PKHD1: variants seen among roughly 807,000 people sequenced by gnomAD.
PKHD1 encodes PKHD1 ciliary IPT domain containing fibrocystin/polyductin.
Under a neutral mutation model 412.0 loss-of-function variants are expected in PKHD1, and 291 were observed. The ratio of observed to expected loss-of-function variants is 0.71; its 90% CI spans 0.64 to 0.78. The LOEUF (loss-of-function observed/expected upper bound fraction) is 0.78, where lower values mean the gene tolerates loss of function less well. Among genes scored for constraint, PKHD1 ranks in the 30% least tolerant of loss-of-function variants. PKHD1 has a pLI of 0.00. For missense variants in PKHD1, 4,825 were observed against 4,950.7 expected (o/e 0.97, Z 0.76); for synonymous variants, 1,777 against 1,821.5 (o/e 0.98, Z 0.62).
intron 8 of PKHD1, among the ~76,000 whole-genome samples, chr6:52,071,323 T>A (rs994839763): frequency 1.3e-5 from 2 of 151,632 alleles, no homozygotes; most frequent in African/African-American, 4.8e-5. Context: ...AAGCATTTGG[T>A]CCTTTCTTTT....
intron 66 of PKHD1, among the ~76,000 whole-genome samples, chr6:51,624,082 G>A (rs1401187287): frequency 6.6e-6 from 1 of 151,842 alleles, no homozygotes; most frequent in Non-Finnish European, 1.5e-5. Context: ...AGAGACTAGG[G>A]TTTTATTATG....
chr6:51,727,082 C>G (rs926023241), intron 60 of PKHD1, among the ~76,000 whole-genome samples: 1 of 152,166 alleles, frequency 6.6e-6, no homozygotes, highest in Non-Finnish European at 1.5e-5. Context: ...TCAGGGAATG[C>G]AGGCAGCCCT....
Position 51,817,619 on chromosome 6 carries a change from G to A in PKHD1, c.8302+13242C>T, listed in dbSNP as rs140456621. Among the ~76,000 whole-genome samples, 218 of 152,260 alleles carry A rather than the reference G, an allele frequency of 1.4e-3. 2 individuals are homozygous for A. The South Asian group carries it at 0.024, about 17-fold the overall frequency. On this transcript the variant is annotated intron_variant, in intron 52 of 66. Coordinates refer to ENST00000371117, the MANE Select transcript of PKHD1 (RefSeq NM_138694.4). Reference sequence around the variant, plus strand: ...CCTGCTGATCCAACACACGTTCACCGATTATGAATGAATGAGAGCGGCTGG... The same window carrying A: ...CCTGCTGATCCAACACACGTTCACCAATTATGAATGAATGAGAGCGGCTGG...
At chr6:51,993,528 G>C (rs1797300599) in intron 35 of PKHD1, among the ~76,000 whole-genome samples, 1 of 152,184 alleles carries the variant, frequency 6.6e-6, no homozygotes, top group Non-Finnish European at 1.5e-5. Flanking sequence ...CAAAAAAGAG[G>C]AGAAAAAATA....
chr6:51,718,852 G>A (rs1402327633), intron 60 of PKHD1, among the ~76,000 whole-genome samples: 1 of 152,142 alleles, frequency 6.6e-6, no homozygotes, highest in African/African-American at 2.4e-5. Context: ...GGAAATACCA[G>A]AGCAATCATC....
chr6:51,857,739 G>A (rs945424236), intron 48 of PKHD1, among the ~76,000 whole-genome samples: 4 of 152,036 alleles, frequency 2.6e-5, no homozygotes, highest in Admixed American at 2.0e-4. Context: ...CAGGATATTC[G>A]GTCATTTAAA....
chr6:51,798,881 A>G (rs1177213404), intron 52 of PKHD1, among the ~76,000 whole-genome samples: 1 of 152,168 alleles, frequency 6.6e-6, no homozygotes, highest in African/African-American at 2.4e-5. Context: ...TCCACAGAGT[A>G]CTCACACATA....
At chr6:51,941,650 G>C (rs1313390454) in intron 36 of PKHD1, among the ~76,000 whole-genome samples, 1 of 151,448 alleles carries the variant, frequency 6.6e-6, no homozygotes, top group Non-Finnish European at 1.5e-5. Context: ...TTCAGGATCT[G>C]TGCCTTATCA....
intron 60 of PKHD1, among the ~76,000 whole-genome samples, chr6:51,727,033 T>C (rs968194662): frequency 3.3e-5 from 5 of 152,126 alleles, no homozygotes; most frequent in Non-Finnish European, 7.4e-5. Flanking sequence ...AGGCACACAA[T>C]TAGCTATTGC....
At chr6:51,874,177 T>A (rs1181797014) in intron 46 of PKHD1, among the ~76,000 whole-genome samples, 1 of 152,204 alleles carries the variant, frequency 6.6e-6, no homozygotes, top group Non-Finnish European at 1.5e-5. Flanking sequence ...CGGTATTTTT[T>A]AAAGTAGCAT....
At chr6:51,691,134 T>C (rs1435280814) in intron 60 of PKHD1, among the ~76,000 whole-genome samples, 1 of 151,588 alleles carries the variant, frequency 6.6e-6, no homozygotes, top group Non-Finnish European at 1.5e-5. Flanking sequence ...AGAATGGCTA[T>C]TACTAAAAAG....
intron 36 of PKHD1, among the ~76,000 whole-genome samples, chr6:51,959,002 G>A: frequency 6.6e-6 from 1 of 152,082 alleles, no homozygotes; most frequent in East Asian, 1.9e-4. Flanking sequence ...ATCCTGATTC[G>A]GTCTAAAAGA....
intron 7 of PKHD1, 126 bp from the exon 8 acceptor site, chr6:52,072,315 T>C (rs1489113149): frequency 1.4e-6 from 1 of 718,326 alleles, no homozygotes; most frequent in Admixed American, 2.0e-5. Context: ...TTCTGCACTA[T>C]TGCAGGTGGC....
At chr6:52,012,581 A>C (rs1396299697) in intron 34 of PKHD1, among the ~76,000 whole-genome samples, 4 of 152,272 alleles carry the variant, frequency 2.6e-5, no homozygotes, top group Admixed American at 2.6e-4. Context: ...CTTTTAAATT[A>C]AAATGCAATG....
In PKHD1 at chr6:51,733,837, G is replaced by A. The variant is rs1344268249; in HGVS notation, c.10156+10548C>T. 2.6e-5 allele frequency among the ~76,000 whole-genome samples: 4 copies of A among 152,178 alleles called. 1 individual carries two copies. Among genetic ancestry groups the A allele is most frequent in the African/African-American group, 4.8e-5 (2 of 41,448 alleles). ...CACTGGGTAGAAGTCATAGAAGGAA[G>A]AGCCTAACAATAACAAGTTATTCAA... On this transcript the variant is annotated intron_variant, in intron 60 of 66. Coordinates refer to ENST00000371117, the MANE Select transcript of PKHD1 (RefSeq NM_138694.4).
chr6:51,672,591 C>T (rs1313034891), intron 60 of PKHD1, among the ~76,000 whole-genome samples: 2 of 152,096 alleles, frequency 1.3e-5, no homozygotes, highest in African/African-American at 4.8e-5. Flanking sequence ...TTTGGCTATA[C>T]CCAGTAAGAT....
In PKHD1 at chr6:51,847,819, C is replaced by T; in HGVS notation, c.8063G>A (p.Cys2688Tyr). The T allele has an allele frequency of 1.2e-6, 2 of 1,613,972 alleles. No individual in the cohort carries two copies. The highest frequency in any genetic ancestry group is 1.3e-5 in the African/African-American group (1 of 75,042). Reference protein sequence around the residue: ...FLPSPGQNQGCDWFFNSQLRQ... With the variant: ...FLPSPGQNQGYDWFFNSQLRQ... Reference sequence around the variant, plus strand: ...CAGCTGGCTATTGAAGAACCAGTCACAGCCTTGGTTCTGACCTGGTGATGG... The same window carrying T: ...CAGCTGGCTATTGAAGAACCAGTCATAGCCTTGGTTCTGACCTGGTGATGG... The change falls in exon 50 of 67, where the codon TGT (cysteine) becomes TAT (tyrosine). Residue 2688 changes from cysteine to tyrosine, a missense_variant. Cys to Tyr is a radical substitution (Grantham distance 194). Coordinates refer to ENST00000371117, the MANE Select transcript of PKHD1 (RefSeq NM_138694.4).
chr6:51,644,925 G>A (rs529878285), intron 63 of PKHD1, among the ~76,000 whole-genome samples: 2 of 152,044 alleles, frequency 1.3e-5, no homozygotes, highest in African/African-American at 4.8e-5. Context: ...TGATCTGCCC[G>A]CCTTGGCCTC....
chr6:51,850,736 T>C (rs116415971), intron 49 of PKHD1, among the ~76,000 whole-genome samples: 2,192 of 152,306 alleles, frequency 0.014, 29 homozygotes, highest in Non-Finnish European at 0.022. Flanking sequence ...TTTTTGAACA[T>C]TCATTTTGTA....
Sources: allele counts gnomAD v4.1 joint callset (sites outside exome capture counted in the v4.1 genomes callset), GRCh38; gene constraint gnomAD v4.1.1; transcripts MANE v1.5; gene names NCBI Gene and HGNC (gene_info 2026-07-23, HGNC 2026-07-21).